IL1RAPL1: variants seen among roughly 807,000 people sequenced by gnomAD.
The protein encoded by IL1RAPL1 is interleukin-1 receptor accessory protein-like 1.
A neutral mutation model predicts 48.4 loss-of-function variants in IL1RAPL1; 3 were observed. The observed-to-expected ratio is 0.06, with a 90% confidence interval of 0.03 to 0.16. IL1RAPL1 has a LOEUF of 0.16. Ranked by LOEUF, IL1RAPL1 falls within the 10% of genes least tolerant of loss-of-function variation. The pLI, the probability that IL1RAPL1 is intolerant of heterozygous loss-of-function variation, is 1.00. For missense variants in IL1RAPL1, 349 were observed against 530.6 expected (o/e 0.66, Z 3.36); for synonymous variants, 185 against 187.7 (o/e 0.99, Z 0.12).
intron 2 of IL1RAPL1, among the ~76,000 whole-genome samples, chrX:29,244,544 C>T (rs191308659): frequency 6.0e-4 from 67 of 112,052 alleles, no homozygotes; most frequent in Admixed American, 2.7e-3. Flanking sequence ...TTTTCCATCC[C>T]ATATCAAAAC....
At chrX:29,245,167 G>T (rs1199230916) in intron 2 of IL1RAPL1, among the ~76,000 whole-genome samples, 1 of 111,358 alleles carries the variant, frequency 9.0e-6, no homozygotes, top group East Asian at 2.8e-4. Flanking sequence ...TCTTTATCTG[G>T]TCTATCATTG....
At chrX:29,512,418 T>C (rs1935403065) in intron 5 of IL1RAPL1, among the ~76,000 whole-genome samples, 1 of 111,672 alleles carries the variant, frequency 9.0e-6, no homozygotes, top group South Asian at 3.7e-4. Flanking sequence ...TTCTGAAAAA[T>C]ATTAGGAGCC....
chrX:29,337,764 T>C (rs1210994418), intron 3 of IL1RAPL1, among the ~76,000 whole-genome samples: 2 of 111,230 alleles, frequency 1.8e-5, no homozygotes, highest in Admixed American at 1.9e-4. Flanking sequence ...AACCTCTGCC[T>C]CCTGGGTTTA....
chrX:28,645,790 T>C (rs1254475124), intron 1 of IL1RAPL1, among the ~76,000 whole-genome samples: 2 of 111,937 alleles, frequency 1.8e-5, no homozygotes, highest in African/African-American at 3.2e-5. Flanking sequence ...TTAGGCTTCA[T>C]GCAATATGCT....
chrX:29,319,562 C>A (rs761468814), intron 3 of IL1RAPL1, among the ~76,000 whole-genome samples: 1 of 101,972 alleles, frequency 9.8e-6, no homozygotes, highest in South Asian at 4.7e-4. Context: ...ATGTATGTAT[C>A]TATCTATCTA....
At chrX:29,424,167 G>T (rs925932865) in intron 5 of IL1RAPL1, among the ~76,000 whole-genome samples, 1 of 111,396 alleles carries the variant, frequency 9.0e-6, no homozygotes, top group African/African-American at 3.3e-5. Context: ...AATCTGGACT[G>T]GGAATGTCAA....
At position 29,910,392 on chromosome X, in the gene IL1RAPL1, A is replaced by AAAAT. The variant is rs1932744004; in HGVS notation, c.779-7069_779-7066dup. ...CCCTGAAAGTAAAAATTTAAAAAAA[A>AAAAT]AAATAATGCTTGTAGGCATATTTCT... On this transcript the variant is annotated intron_variant, in intron 6 of 10. Coordinates refer to ENST00000378993, the MANE Select transcript of IL1RAPL1 (RefSeq NM_014271.4). Among the ~76,000 whole-genome samples the AAAAT allele has an allele frequency of 2.7e-5, 3 of 111,556 alleles. No individual in the cohort carries two copies. The South Asian group carries it at 1.1e-3, about 43-fold the overall frequency.
chrX:28,847,376 G>A (rs1921536378), intron 2 of IL1RAPL1, among the ~76,000 whole-genome samples: 1 of 110,995 alleles, frequency 9.0e-6, no homozygotes, highest in Admixed American at 9.6e-5. Flanking sequence ...CCCTTTAACT[G>A]TTTTATTCTG....
At chrX:28,975,657 T>C (rs753090187) in intron 2 of IL1RAPL1, among the ~76,000 whole-genome samples, 16 of 112,026 alleles carry the variant, frequency 1.4e-4, no homozygotes, top group Non-Finnish European at 7.5e-5. Flanking sequence ...CAGCAGTAAA[T>C]AGAACATATA....
intron 6 of IL1RAPL1, among the ~76,000 whole-genome samples, chrX:29,744,291 A>G (rs1928277571): frequency 8.9e-6 from 1 of 111,935 alleles, no homozygotes; most frequent in South Asian, 3.7e-4. Context: ...AAAAAGTCCA[A>G]AGACCTTTTA....
intron 2 of IL1RAPL1, among the ~76,000 whole-genome samples, chrX:29,219,553 A>G (rs1276662969): frequency 9.0e-6 from 1 of 111,402 alleles, no homozygotes; most frequent in African/African-American, 3.3e-5. Flanking sequence ...GAGAGGGGAG[A>G]GGTCTCACTT....
intron 2 of IL1RAPL1, among the ~76,000 whole-genome samples, chrX:28,960,911 G>C (rs1403616541): frequency 9.4e-6 from 1 of 106,234 alleles, no homozygotes; most frequent in East Asian, 3.0e-4. Context: ...TCGGGAGTCT[G>C]AGGCAGGAGA....
chrX:28,644,226 A>G (rs1189633087), intron 1 of IL1RAPL1, among the ~76,000 whole-genome samples: 2 of 111,143 alleles, frequency 1.8e-5, no homozygotes, highest in Non-Finnish European at 3.8e-5. Flanking sequence ...TATAGCTCTT[A>G]CATTTTTGTC....
intron 8 of IL1RAPL1, among the ~76,000 whole-genome samples, chrX:29,938,357 GCTCCTCGA>G (rs1157930181): frequency 1.8e-5 from 2 of 111,172 alleles, no homozygotes; most frequent in Non-Finnish European, 3.8e-5. Context: ...TATTTCCAAA[GCTCCTCGA>G]CTATCTATGG....
At chrX:29,087,902 T>C (rs955948408) in intron 2 of IL1RAPL1, among the ~76,000 whole-genome samples, 1 of 111,624 alleles carries the variant, frequency 9.0e-6, no homozygotes, top group South Asian at 3.8e-4. Flanking sequence ...CATGGTAGCA[T>C]GTGCCTGTAG....
chrX:29,950,366 G>A (rs1933289819), intron 9 of IL1RAPL1, among the ~76,000 whole-genome samples: 1 of 111,846 alleles, frequency 8.9e-6, no homozygotes, highest in Non-Finnish European at 1.9e-5. Flanking sequence ...TCATGGAGCC[G>A]AGGGGGCAAG....
At position 29,802,812 on chromosome X, in the gene IL1RAPL1, T is replaced by G. The variant is rs1228287890; in HGVS notation, c.779-114652T>G. On this transcript the variant is annotated intron_variant, in intron 6 of 10. Coordinates refer to ENST00000378993, the MANE Select transcript of IL1RAPL1 (RefSeq NM_014271.4). ...GTGTGTATATATATATATATATATG[T>G]GTGTATATATATGTATACATATATG... 2.1e-4 allele frequency among the ~76,000 whole-genome samples: 9 copies of G among 43,058 alleles called. 1 individual carries two copies. The highest frequency in any genetic ancestry group is 1.4e-3 in the African/African-American group (9 of 6,472). 37.4% of individuals were successfully genotyped at this position (43,058 alleles called of 115,157 possible).
At chrX:29,721,429 A>G (rs1301639584) in intron 6 of IL1RAPL1, among the ~76,000 whole-genome samples, 4 of 111,506 alleles carry the variant, frequency 3.6e-5, no homozygotes, top group African/African-American at 1.3e-4. Context: ...CTTGTTGATG[A>G]TATTCTGAGC....
At chrX:29,385,178 G>C (rs1034170035) in intron 3 of IL1RAPL1, among the ~76,000 whole-genome samples, 6 of 112,017 alleles carry the variant, frequency 5.4e-5, no homozygotes, top group Admixed American at 4.7e-4. Context: ...TTTACCCATG[G>C]GCGCAGTGGC....
Sources: gnomAD v4.1 joint callset for allele counts (sites outside exome capture counted in the v4.1 genomes callset) on GRCh38, gnomAD v4.1.1 for gene constraint, MANE v1.5 for transcripts, NCBI Gene and HGNC (gene_info 2026-07-23, HGNC 2026-07-21) for gene names.